Variants in MAML3 observed in about 807,000 individuals in gnomAD.
MAML3 encodes mastermind like transcriptional coactivator 3.
MAML3 carries 27 observed loss-of-function variants against 101.9 expected under a neutral mutation model. That is an observed-to-expected ratio of 0.27 (90% CI 0.20 to 0.37). MAML3 has a LOEUF of 0.37. Among genes scored for constraint, MAML3 ranks in the 10% least tolerant of loss-of-function variants. MAML3 has a pLI of 1.00. For missense variants in MAML3, 1,316 were observed against 1,444.9 expected, an observed-to-expected ratio of 0.91 and a Z score of 1.45; for synonymous variants, 501 against 555.9, an observed-to-expected ratio of 0.90 and a Z score of 1.39.
At chr4:140,062,783 G>A (rs1374047468) in intron 1 of MAML3, among the ~76,000 whole-genome samples, 1 of 152,182 alleles carries the variant, frequency 6.6e-6, no homozygotes, top group Non-Finnish European at 1.5e-5. Context: ...CACAGTTCCA[G>A]GACATAGATT....
At chr4:139,728,724 C>A (rs1296557108) in intron 3 of MAML3, among the ~76,000 whole-genome samples, 5 of 152,174 alleles carry the variant, frequency 3.3e-5, no homozygotes, top group Admixed American at 2.0e-4. Context: ...TGAGGGGTCT[C>A]CCCTGACCTC....
intron 1 of MAML3, among the ~76,000 whole-genome samples, chr4:140,075,175 T>C (rs1348794759): frequency 6.6e-6 from 1 of 152,192 alleles, no homozygotes; most frequent in African/African-American, 2.4e-5. Flanking sequence ...AATTTATCCA[T>C]AAGAAGGCTG....
chr4:139,721,968 TA>T (rs1728254091), intron 4 of MAML3, among the ~76,000 whole-genome samples: 1 of 152,312 alleles, frequency 6.6e-6, no homozygotes, highest in East Asian at 1.9e-4. Context: ...AAAAAAAGTT[TA>T]AGGGAAAAAT....
In MAML3 at chr4:140,151,251, GC is replaced by G. The variant is rs1729160851; in HGVS notation, c.468+1608del. On this transcript the variant is annotated intron_variant, in intron 1 of 4. Coordinates refer to ENST00000509479, the MANE Select transcript of MAML3 (RefSeq NM_018717.5). ...GAGGAAGAGGAGGAGGGAAGGTGCT[GC>G]CGGCGGGACTGGGCAGGATCGCGCC... Among the ~76,000 whole-genome samples, 3 of 151,988 alleles carry G rather than the reference GC, an allele frequency of 2.0e-5. No homozygotes were observed. In the South Asian group the frequency reaches 6.2e-4, roughly 32 times the overall value.
chr4:139,784,596 G>C (rs557245374), intron 2 of MAML3, among the ~76,000 whole-genome samples: 1 of 152,304 alleles, frequency 6.6e-6, no homozygotes, highest in East Asian at 1.9e-4. Flanking sequence ...CCTTTCTCAA[G>C]AATCTCTTTC....
chr4:139,967,067 A>G (rs1004301824), intron 1 of MAML3, among the ~76,000 whole-genome samples: 4 of 152,228 alleles, frequency 2.6e-5, no homozygotes, highest in African/African-American at 7.2e-5. Context: ...ATTATACTTA[A>G]AGTAAGGATC....
At chr4:139,945,944 A>G (rs1292658873) in intron 1 of MAML3, among the ~76,000 whole-genome samples, 2 of 152,252 alleles carry the variant, frequency 1.3e-5, no homozygotes, top group African/African-American at 2.4e-5. Flanking sequence ...TTGCTCCTTA[A>G]TAAGTGTATG....
rs945240596 is a variant in MAML3 at position 140,061,260 on chromosome 4, C to A, written c.468+91600G>T. On this transcript the variant is annotated intron_variant, in intron 1 of 4. Transcript: ENST00000509479. ...AATCGGACTCAAAAGAAAACACAGT[C>A]CCTAAGTAAGTTAAACAGTTCAGTG... Among the ~76,000 whole-genome samples the A allele has an allele frequency of 2.6e-5, 4 of 152,160 alleles. No individual in the cohort carries two copies. The South Asian group carries it at 8.3e-4, about 32-fold the overall frequency.
intron 2 of MAML3, among the ~76,000 whole-genome samples, chr4:139,767,789 T>C (rs770517804): frequency 4.8e-4 from 73 of 152,256 alleles, no homozygotes; most frequent in Non-Finnish European, 1.2e-4. Flanking sequence ...CACATGCATT[T>C]CTCTGGAGTA....
At chr4:140,069,282 A>G (rs1327307273) in intron 1 of MAML3, among the ~76,000 whole-genome samples, 1 of 151,686 alleles carries the variant, frequency 6.6e-6, no homozygotes, top group Non-Finnish European at 1.5e-5. Flanking sequence ...AGATTGCGCC[A>G]CTGCATTCCA....
intron 1 of MAML3, among the ~76,000 whole-genome samples, chr4:140,096,627 C>CT (rs1728167895): frequency 6.6e-6 from 1 of 152,112 alleles, no homozygotes; most frequent in South Asian, 2.1e-4. Context: ...CAAGAGGCTG[C>CT]TGGGGACTGA....
chr4:140,069,726 A>G lies in MAML3; in HGVS notation c.468+83134T>C, dbSNP rs145653357. ...GAAGGAGGAAGAAAGAAGAAAGAAG[A>G]AGGAGCCGGGATGCATTTAGTAGCA... On this transcript the variant is annotated intron_variant, in intron 1 of 4. Transcript: ENST00000509479. Among the ~76,000 whole-genome samples the G allele has an allele frequency of 2.0e-3, 297 of 152,144 alleles. 1 individual carries two copies. Among genetic ancestry groups the G allele is most frequent in the African/African-American group, 7.0e-3 (292 of 41,544 alleles).
At chr4:140,063,793 T>TC (rs1727487479) in intron 1 of MAML3, among the ~76,000 whole-genome samples, 1 of 127,184 alleles carries the variant, frequency 7.9e-6, no homozygotes, top group South Asian at 2.7e-4. Context: ...CTTGCTTGCT[T>TC]TAAAAAAAAA....
At chr4:140,042,682 C>T (rs776443335) in intron 1 of MAML3, among the ~76,000 whole-genome samples, 34 of 152,010 alleles carry the variant, frequency 2.2e-4, no homozygotes, top group Non-Finnish European at 4.4e-4. Flanking sequence ...AGGTTGATGT[C>T]TCATTTGTCT....
At chr4:139,972,771 G>A (rs749475238) in intron 1 of MAML3, among the ~76,000 whole-genome samples, 5 of 152,022 alleles carry the variant, frequency 3.3e-5, no homozygotes, top group Non-Finnish European at 5.9e-5. Context: ...GAATTCTGAC[G>A]ACAATTTGCA....
intron 1 of MAML3, among the ~76,000 whole-genome samples, chr4:140,121,751 C>A (rs549631311): frequency 7.9e-5 from 12 of 152,308 alleles, no homozygotes; most frequent in African/African-American, 2.6e-4. Flanking sequence ...AAATGTTAAA[C>A]CCCAATTTCA....
At chr4:139,994,790 T>G (rs1199067657) in intron 1 of MAML3, among the ~76,000 whole-genome samples, 1 of 151,582 alleles carries the variant, frequency 6.6e-6, no homozygotes, top group Non-Finnish European at 1.5e-5. Flanking sequence ...GTGGGGGGTG[T>G]GTGTGTGTGT....
intron 1 of MAML3, among the ~76,000 whole-genome samples, chr4:139,988,994 C>A (rs577201419): frequency 1.3e-5 from 2 of 152,168 alleles, no homozygotes; most frequent in African/African-American, 4.8e-5. Context: ...CACTGTTGAA[C>A]CTGCTTCTTC....
At chr4:140,113,575 CAACTACATTCCTACT>C (rs1269490126) in intron 1 of MAML3, among the ~76,000 whole-genome samples, 1 of 152,148 alleles carries the variant, frequency 6.6e-6, no homozygotes, top group East Asian at 1.9e-4. Flanking sequence ...TAGACAGTAC[CAACTACATTCCTACT>C]CGGTGGCCTT....
Sources: gnomAD v4.1 joint callset for allele counts (sites outside exome capture counted in the v4.1 genomes callset) on GRCh38, gnomAD v4.1.1 for gene constraint, MANE v1.5 for transcripts, NCBI Gene and HGNC (gene_info 2026-07-23, HGNC 2026-07-21) for gene names.